The following IFITM10 variants were observed in gnomAD, a reference collection of about 807,000 sequenced individuals.
The protein encoded by IFITM10 is interferon induced transmembrane protein 10.
In IFITM10, 17 loss-of-function variants were observed where a neutral mutation model predicts 19.0. The ratio of observed to expected loss-of-function variants is 0.90; its 90% confidence interval spans 0.61 to 1.34. IFITM10 has a LOEUF of 1.34. Among genes scored for constraint, IFITM10 ranks in the 40% most tolerant of loss-of-function variants. IFITM10 has a pLI of 0.00. For missense variants in IFITM10, 306 were observed against 319.8 expected (o/e 0.96, Z 0.33); for synonymous variants, 148 against 147.2 (o/e 1.01, Z -0.04).
intron 2 of IFITM10, among the ~76,000 whole-genome samples, chr11:1,737,118 C>G (rs1356491226): frequency 6.6e-6 from 1 of 152,108 alleles, no homozygotes; most frequent in Non-Finnish European, 1.5e-5. Context: ...GAATGTGTCA[C>G]CCACTTATTG....
intron 1 of IFITM10, chr11:1,748,393 C>A: frequency 2.6e-6 from 1 of 388,598 alleles, no homozygotes. Flanking sequence ...ACAACAGCAC[C>A]CCCCGCCCCG....
chr11:1,750,228 C>T (rs1051434218), intron 1 of IFITM10, 131 bp downstream of exon 1: 1 of 1,490,916 alleles, frequency 6.7e-7, no homozygotes. Flanking sequence ...TGCTTGACGC[C>T]AGCTGATCTT....
chr11:1,740,910 G>A (rs961490142), intron 2 of IFITM10, among the ~76,000 whole-genome samples: 19 of 151,624 alleles, frequency 1.3e-4, no homozygotes, highest in African/African-American at 4.1e-4. Context: ...AGTGTGAGGT[G>A]CCTCCCCCTT....
chr11:1,749,777 C>G (rs1845696506), intron 1 of IFITM10, among the ~76,000 whole-genome samples: 1 of 152,172 alleles, frequency 6.6e-6, no homozygotes, highest in East Asian at 1.9e-4. Flanking sequence ...CTTAGCCCAC[C>G]AAGTCCAGGC....
chr11:1,748,311 A>G (rs1845676619), intron 1 of IFITM10, 192 bp from the exon 2 acceptor site: 2 of 432,778 alleles, frequency 4.6e-6, no homozygotes, highest in Non-Finnish European at 8.0e-6. Context: ...AGCCCTTCGC[A>G]GCAGCCTTGG....
At chr11:1,743,641 T>C (rs2133645915) in intron 2 of IFITM10, among the ~76,000 whole-genome samples, 1 of 152,232 alleles carries the variant, frequency 6.6e-6, no homozygotes, top group East Asian at 1.9e-4. Flanking sequence ...CCACCTAACC[T>C]GTTCTTTCTG....
In IFITM10 at chr11:1,735,391, G is replaced by A. The variant is rs1050037610; in HGVS notation, c.576C>T (p.Ala192=). The change falls in exon 3 of 3, where the codon GCC becomes GCT. Residue 192 remains alanine (A), a synonymous_variant. Transcript: ENST00000340134. ...DKKLLNDLNG[A]VEDAKTARLF... is the part of the protein sequence containing the mutation. The stretch of plus-strand genomic sequence containing the variant: ...GCCGGGCCGTCTTTGCATCCTCCAC[G>A]GCTCCATTCAGGTCATTGAGAAGCT... The A allele has an allele frequency of 5.2e-6, 8 of 1,551,576 alleles. No homozygotes were observed. Among genetic ancestry groups the A allele is most frequent in the African/African-American group, 1.4e-5 (1 of 73,040 alleles).
At chr11:1,738,493 C>T (rs975026572) in intron 2 of IFITM10, among the ~76,000 whole-genome samples, 5 of 152,050 alleles carry the variant, frequency 3.3e-5, no homozygotes, top group Admixed American at 3.3e-4. Context: ...TCCAAGTGGA[C>T]AGATGGATAT....
Position 1,733,006 on chromosome 11 carries a change from C to G in IFITM10, c.*2274G>C, listed in dbSNP as rs1425545505. 6.6e-6 allele frequency: 1 copy of G among 152,320 alleles called. No homozygotes were observed. The highest frequency in any genetic ancestry group is 1.5e-5 in the Non-Finnish European group (1 of 68,130). The allele number at this position is 152,320 out of a possible 1,614,324, so 9.4% of individuals were successfully genotyped here. A position where few individuals can be genotyped will look rare whatever the true frequency, so the allele number is the denominator to read the frequency against. ...GCATAACATGGAAGACACCTGGACA[C>G]TGGGGTTGGCCTTAGCTGCCCCAGG... On this transcript the variant is annotated 3_prime_UTR_variant, in exon 3 of 3. Transcript: ENST00000340134. This position sits in a 1 kb window ranked among gnomAD's most constrained non-coding sequence, Gnocchi z 6.3.
Position 1,735,317 on chromosome 11 carries a change from A to T in IFITM10, c.650T>A (p.Val217Asp). 1 of 1,551,690 alleles carries T rather than the reference A, an allele frequency of 6.4e-7. No homozygotes were observed. Among genetic ancestry groups the T allele is most frequent in the Non-Finnish European group, 8.7e-7 (1 of 1,146,972 alleles). ...GAGGGGGTACCGCAGGAAGATGAAGACGAGGATGATGCAGGAGGCTGCCAG... is the reference window on the plus strand; with the variant it reads ...GAGGGGGTACCGCAGGAAGATGAAGTCGAGGATGATGCAGGAGGCTGCCAG... ...SALAASCIIL[V>D]FIFLRYPLTD... is the part of the protein sequence containing the mutation. The change falls in exon 3 of 3, where the codon GTC (valine) becomes GAC (aspartate). Residue 217 changes from valine to aspartate, a missense_variant. Coordinates refer to ENST00000340134, the MANE Select transcript of IFITM10 (RefSeq NM_001170820.4).
chr11:1,739,861 C>G (rs956826503), intron 2 of IFITM10, among the ~76,000 whole-genome samples: 3 of 152,096 alleles, frequency 2.0e-5, no homozygotes, highest in Admixed American at 6.6e-5. Context: ...CAGCAGATCA[C>G]AGAGAGAGAA....
intron 2 of IFITM10, among the ~76,000 whole-genome samples, chr11:1,742,231 G>C (rs1193427288): frequency 6.6e-6 from 1 of 152,132 alleles, no homozygotes; most frequent in African/African-American, 2.4e-5. Flanking sequence ...GGAAACAAGA[G>C]AGAATGGACA....
chr11:1,746,710 C>T (rs1453977868), intron 2 of IFITM10: 2 of 398,684 alleles, frequency 5.0e-6, no homozygotes, highest in African/African-American at 4.1e-5. Flanking sequence ...TGCCCAGCCT[C>T]TTCTCTCCCT....
At chr11:1,749,118 C>G (rs748374236) in intron 1 of IFITM10, 1 of 1,083,428 alleles carries the variant, frequency 9.2e-7, no homozygotes, top group Non-Finnish European at 1.1e-6. Flanking sequence ...CGCCTCCCAG[C>G]GGCCCAACCT....
In IFITM10 at chr11:1,735,346, A is replaced by G. The variant is rs763218181; in HGVS notation, c.621T>C (p.Ser207=). 3 of 1,551,758 alleles carry G rather than the reference A, an allele frequency of 1.9e-6. No homozygotes were observed. The South Asian group carries it at 3.6e-5, about 18-fold the overall frequency. Residue 207 remains serine (S), a synonymous_variant, in exon 3 of 3, where the codon TCT becomes TCC. Coordinates refer to ENST00000340134, the MANE Select transcript of IFITM10 (RefSeq NM_001170820.4). ...GGATGATGCAGGAGGCTGCCAGGGC[A>G]GAACTGGTGATGTTGAACAGCCGGG... The part of the protein sequence containing the change: ...KTARLFNITS[S]ALAASCIILV...
chr11:1,743,405 C>T (rs1404510773), intron 2 of IFITM10, among the ~76,000 whole-genome samples: 7 of 131,654 alleles, frequency 5.3e-5, no homozygotes, highest in Admixed American at 2.3e-4. Flanking sequence ...GATGGATAGA[C>T]GGATGGATGG....
intron 2 of IFITM10, among the ~76,000 whole-genome samples, chr11:1,738,205 G>A (rs567541565): frequency 1.8e-4 from 28 of 152,290 alleles, no homozygotes; most frequent in Non-Finnish European, 3.5e-4. Flanking sequence ...GGGACAGGGA[G>A]AGAGCTGAAT....
intron 2 of IFITM10, chr11:1,745,631 C>G (rs1304790703): frequency 2.0e-5 from 3 of 152,452 alleles, no homozygotes; most frequent in African/African-American, 7.2e-5. Context: ...CACACTCACA[C>G]ACACTTGTGC....
Position 1,735,084 on chromosome 11 carries a change from T to G in IFITM10, c.*196A>C. ...GGTGGAGGCCAGGAGGCGGAGGGGGTGGACTGAGGGCCAAGCTCACTGCCC... is the reference window on the plus strand; with the variant it reads ...GGTGGAGGCCAGGAGGCGGAGGGGGGGGACTGAGGGCCAAGCTCACTGCCC... On this transcript the variant is annotated 3_prime_UTR_variant, in exon 3 of 3. Transcript: ENST00000340134. 1.7e-6 allele frequency: 1 copy of G among 582,544 alleles called. No homozygotes were observed. The highest frequency in any genetic ancestry group is 3.0e-6 in the Non-Finnish European group (1 of 333,414). The allele number at this position is 582,544 out of a possible 1,614,324, so 36.1% of individuals were successfully genotyped here.
Sources: allele counts gnomAD v4.1 joint callset (sites outside exome capture counted in the v4.1 genomes callset), GRCh38; gene constraint gnomAD v4.1.1; non-coding constraint Gnocchi (gnomAD v3.1); transcripts MANE v1.5; gene names NCBI Gene and HGNC (gene_info 2026-07-23, HGNC 2026-07-21).